The following PHACTR1 variants were observed in gnomAD, a reference collection of about 807,000 sequenced individuals.
The protein encoded by PHACTR1 is phosphatase and actin regulator 1, also known as RPEL repeat containing 1.
A neutral mutation model predicts 69.2 loss-of-function variants in PHACTR1; 16 were observed. The observed-to-expected ratio is 0.23, with a 90% confidence interval of 0.16 to 0.35. PHACTR1 has a LOEUF of 0.35. PHACTR1 is among the 10% of genes least tolerant of loss of function. The pLI is 1.00. For synonymous variants in PHACTR1, 312 were observed against 284.5 expected, an observed-to-expected ratio of 1.10 and a Z score of -0.97; for missense variants, 510 against 734.7, an observed-to-expected ratio of 0.69 and a Z score of 3.54.
At chr6:12,753,028 A>G (rs1766814398) in intron 4 of PHACTR1, among the ~76,000 whole-genome samples, 1 of 152,244 alleles carries the variant, frequency 6.6e-6, no homozygotes, top group African/African-American at 2.4e-5. Flanking sequence ...AAATTAAGTC[A>G]ATATATCTGT....
At chr6:12,767,763 A>G (rs760733493) in intron 4 of PHACTR1, among the ~76,000 whole-genome samples, 1 of 152,224 alleles carries the variant, frequency 6.6e-6, no homozygotes, top group Admixed American at 6.5e-5. Flanking sequence ...GAGGAAAATG[A>G]TTCAGGGTGG....
intron 3 of PHACTR1, among the ~76,000 whole-genome samples, chr6:12,728,810 A>G (rs1181018691): frequency 2.0e-5 from 3 of 152,248 alleles, no homozygotes; most frequent in African/African-American, 7.2e-5. Flanking sequence ...TATAGCCAGC[A>G]CTGCACACTT....
At chr6:12,819,110 T>G (rs1314003535) in intron 4 of PHACTR1, among the ~76,000 whole-genome samples, 2 of 152,222 alleles carry the variant, frequency 1.3e-5, no homozygotes, top group African/African-American at 4.8e-5. Flanking sequence ...CGCCAAAACC[T>G]CGGCATCTTC....
At chr6:12,999,348 C>T (rs1261910965) in intron 4 of PHACTR1, among the ~76,000 whole-genome samples, 1 of 152,124 alleles carries the variant, frequency 6.6e-6, no homozygotes. Context: ...GCCTGTAATC[C>T]CAGCACTTTG....
rs1406257572 is a variant in PHACTR1, at chr6:13,246,495, G to T, written c.1391+16302G>T. Among the ~76,000 whole-genome samples, 1 of 151,276 alleles carries T rather than the reference G, an allele frequency of 6.6e-6. No homozygotes were observed. Among genetic ancestry groups the T allele is most frequent in the Non-Finnish European group, 1.5e-5 (1 of 67,964 alleles). ...GGCAGGTACTCTGGAAAATTCTTTT[G>T]CTGGTACCTTAATTTAGAGTTGGCC... On this transcript the variant is annotated intron_variant, in intron 10 of 14. Coordinates refer to ENST00000332995, the MANE Select transcript of PHACTR1 (RefSeq NM_030948.6). This position sits in a 1 kb window ranked among gnomAD's most constrained non-coding sequence, Gnocchi z 4.2.
chr6:12,740,888 CT>C lies in PHACTR1; in HGVS notation c.104-8749del, dbSNP rs541269292. 3.7e-3 allele frequency among the ~76,000 whole-genome samples: 567 copies of C among 151,892 alleles called. 7 individuals carry two copies. Among genetic ancestry groups the C allele is most frequent in the African/African-American group, 0.013 (530 of 41,492 alleles). ...AATTCCTGATATTGATGATTCATAT[CT>C]TTTTTTAATTTTACAAGTCTTGCTG... On this transcript the variant is annotated intron_variant, in intron 3 of 14. Coordinates refer to ENST00000332995, the MANE Select transcript of PHACTR1 (RefSeq NM_030948.6).
At chr6:13,276,023 G>A (rs1423376183) in intron 11 of PHACTR1, 2 of 151,758 alleles carry the variant, frequency 1.3e-5, no homozygotes, top group Non-Finnish European at 2.9e-5. Flanking sequence ...ACTTCCGGGT[G>A]TTGCTGTCTG....
At position 12,758,483 on chromosome 6, in the gene PHACTR1, A is replaced by T. The variant is rs919507885; in HGVS notation, c.250+8693A>T. ...TCTCTTTCTAAAAAAAAAAAAAAAA[A>T]AAAGGGCCCAGAGATAAATATTTGA... On this transcript the variant is annotated intron_variant, in intron 4 of 14. Coordinates refer to ENST00000332995, the MANE Select transcript of PHACTR1 (RefSeq NM_030948.6). Among the ~76,000 whole-genome samples, 44 of 151,930 alleles carry T rather than the reference A, an allele frequency of 2.9e-4. 1 individual carries two copies. The highest frequency in any genetic ancestry group is 2.6e-3 in the Admixed American group (40 of 15,274).
At chr6:12,843,166 A>T (rs1357245370) in intron 4 of PHACTR1, among the ~76,000 whole-genome samples, 2 of 152,224 alleles carry the variant, frequency 1.3e-5, no homozygotes, top group Non-Finnish European at 2.9e-5. Flanking sequence ...TTCTATTATT[A>T]CTTAAGAGCA....
At chr6:13,112,987 C>A (rs181959306) in intron 5 of PHACTR1, among the ~76,000 whole-genome samples, 1 of 152,094 alleles carries the variant, frequency 6.6e-6, no homozygotes, top group Admixed American at 6.6e-5. Flanking sequence ...GGTTGCTTTC[C>A]TGGGTTTTTA....
chr6:13,122,515 G>T (rs533855909), intron 5 of PHACTR1, among the ~76,000 whole-genome samples: 3 of 152,134 alleles, frequency 2.0e-5, no homozygotes, highest in Non-Finnish European at 4.4e-5. Flanking sequence ...TTGATATATT[G>T]GCTTACCCAA....
intron 4 of PHACTR1, among the ~76,000 whole-genome samples, chr6:12,851,307 C>T (rs773559125): frequency 1.3e-5 from 2 of 152,032 alleles, no homozygotes; most frequent in East Asian, 3.9e-4. Context: ...AATACACAGG[C>T]GAACATTTAA....
At chr6:13,199,211 C>A (rs890478122) in intron 7 of PHACTR1, among the ~76,000 whole-genome samples, 1 of 151,932 alleles carries the variant, frequency 6.6e-6, no homozygotes, top group Non-Finnish European at 1.5e-5. Flanking sequence ...CATGGTGAAA[C>A]CCCATCTCTA....
intron 5 of PHACTR1, among the ~76,000 whole-genome samples, chr6:13,122,302 C>T (rs1258549186): frequency 1.3e-5 from 2 of 152,194 alleles, no homozygotes; most frequent in African/African-American, 4.8e-5. Context: ...TAACCTGCTA[C>T]TGATTGATTC....
At chr6:13,127,336 G>A (rs1009407761) in intron 5 of PHACTR1, among the ~76,000 whole-genome samples, 1 of 152,204 alleles carries the variant, frequency 6.6e-6, no homozygotes, top group African/African-American at 2.4e-5. Flanking sequence ...GGAGGCAGAG[G>A]TGGGAGAATT....
chr6:12,985,541 A>AATATATAT (rs70989819), intron 4 of PHACTR1, among the ~76,000 whole-genome samples: 15 of 132,764 alleles, frequency 1.1e-4, no homozygotes, highest in African/African-American at 4.0e-4. Context: ...AAAAAAAAAA[A>AATATATAT]ATATATATAT....
intron 4 of PHACTR1, among the ~76,000 whole-genome samples, chr6:13,045,687 T>G (rs1369075360): frequency 6.6e-6 from 1 of 152,244 alleles, no homozygotes. Flanking sequence ...TATGGATCCC[T>G]GAGTTTTCCT....
intron 10 of PHACTR1, among the ~76,000 whole-genome samples, chr6:13,247,787 G>A (rs1044198800): frequency 2.0e-5 from 3 of 152,112 alleles, no homozygotes; most frequent in Admixed American, 1.3e-4. Flanking sequence ...TCAGGACTTC[G>A]AGGTTGTAGT....
intron 6 of PHACTR1, among the ~76,000 whole-genome samples, chr6:13,165,979 G>A (rs542719941): frequency 2.6e-5 from 4 of 152,284 alleles, no homozygotes; most frequent in East Asian, 1.9e-4. Flanking sequence ...CTACAACAGC[G>A]TAAAGCCCTG....
Sources: gnomAD v4.1 joint callset for allele counts (sites outside exome capture counted in the v4.1 genomes callset) on GRCh38, gnomAD v4.1.1 for gene constraint, Gnocchi (gnomAD v3.1) non-coding constraint, MANE v1.5 for transcripts, NCBI Gene and HGNC (gene_info 2026-07-23, HGNC 2026-07-21) for gene names.